Variants in PTPRT observed in about 807,000 individuals in gnomAD.
PTPRT encodes protein tyrosine phosphatase receptor type T.
In PTPRT, 56 loss-of-function variants were observed where a neutral mutation model predicts 176.8. That is an observed-to-expected ratio of 0.32 (90% CI 0.26 to 0.40). The LOEUF (loss-of-function observed/expected upper bound fraction) is 0.40. Among genes scored for constraint, PTPRT ranks in the 10% least tolerant of loss-of-function variants. PTPRT has a pLI of 1.00. For synonymous variants in PTPRT, 783 were observed against 739.0 expected (o/e 1.06, Z -0.96); for missense variants, 1,540 against 1,908.2 (o/e 0.81, Z 3.60).
chr20:42,559,792 C>T (rs187137412), intron 7 of PTPRT, among the ~76,000 whole-genome samples: 2 of 152,346 alleles, frequency 1.3e-5, no homozygotes, highest in Admixed American at 1.3e-4. Flanking sequence ...AAATATCAGT[C>T]ATTGCTTTGC....
chr20:42,847,715 C>T (rs374534096), intron 2 of PTPRT, among the ~76,000 whole-genome samples: 45 of 152,324 alleles, frequency 3.0e-4, no homozygotes, highest in African/African-American at 1.0e-3. Flanking sequence ...AGGCCACCCA[C>T]AGGTGACACT....
At chr20:42,776,655 T>C (rs1225515978) in intron 4 of PTPRT, among the ~76,000 whole-genome samples, 1 of 151,798 alleles carries the variant, frequency 6.6e-6, no homozygotes, top group African/African-American at 2.4e-5. Context: ...TATAGCAGCT[T>C]TAGCAAACTA....
intron 1 of PTPRT, among the ~76,000 whole-genome samples, chr20:43,031,484 T>C (rs995922743): frequency 1.3e-5 from 2 of 152,202 alleles, no homozygotes; most frequent in African/African-American, 4.8e-5. Flanking sequence ...AGCAATACAA[T>C]TGCATTGCTT....
At chr20:43,064,426 T>C (rs1384431228) in intron 1 of PTPRT, among the ~76,000 whole-genome samples, 1 of 152,200 alleles carries the variant, frequency 6.6e-6, no homozygotes, top group Non-Finnish European at 1.5e-5. Context: ...GAGGTTGTTA[T>C]AAGAGTTAGC....
intron 7 of PTPRT, among the ~76,000 whole-genome samples, chr20:42,656,035 T>C (rs759511973): frequency 6.6e-6 from 1 of 152,162 alleles, no homozygotes; most frequent in African/African-American, 2.4e-5. Flanking sequence ...AGTGGACATA[T>C]GATCCTTGAA....
intron 6 of PTPRT, among the ~76,000 whole-genome samples, chr20:42,694,040 C>CT (rs56156122): frequency 0.011 from 1,524 of 138,402 alleles, 27 homozygotes; most frequent in South Asian, 0.03. Context: ...ATTTTATTTT[C>CT]TTTTTTTTTT....
At chr20:42,718,048 A>G (rs1273950548) in intron 6 of PTPRT, among the ~76,000 whole-genome samples, 1 of 152,276 alleles carries the variant, frequency 6.6e-6, no homozygotes, top group Non-Finnish European at 1.5e-5. Context: ...ATTTGGCAGT[A>G]TCTGCTTAAG....
In PTPRT at chr20:42,507,668, T is replaced by C. The variant is rs74432409; in HGVS notation, c.1154-35106A>G. On this transcript the variant is annotated intron_variant, in intron 7 of 30. Coordinates refer to ENST00000373187, the MANE Select transcript of PTPRT (RefSeq NM_007050.6). ...CTTAACAAATATTAGTTCAATCCTG[T>C]CTGCATTTTGTTCCTTTCTCTCTAG... is the stretch of plus-strand genomic sequence containing the variant. Among the ~76,000 whole-genome samples, 517 of 152,258 alleles carry C rather than the reference T, an allele frequency of 3.4e-3. 3 individuals are homozygous for C. Among genetic ancestry groups the C allele is most frequent in the African/African-American group, 0.012 (494 of 41,560 alleles).
At chr20:42,466,649 T>C (rs1430061572) in intron 8 of PTPRT, among the ~76,000 whole-genome samples, 3 of 152,176 alleles carry the variant, frequency 2.0e-5, no homozygotes, top group Non-Finnish European at 4.4e-5. Context: ...AGAAGGAAGA[T>C]ATATGTATAA....
At chr20:42,557,558 T>A (rs2072881361) in intron 7 of PTPRT, among the ~76,000 whole-genome samples, 1 of 152,056 alleles carries the variant, frequency 6.6e-6, no homozygotes, top group Non-Finnish European at 1.5e-5. Flanking sequence ...CTACCAGAGG[T>A]CAAACTATTA....
intron 2 of PTPRT, among the ~76,000 whole-genome samples, chr20:42,843,397 CT>C (rs1879227306): frequency 2.1e-5 from 2 of 93,408 alleles, no homozygotes; most frequent in Non-Finnish European, 5.3e-5. Context: ...ACGGCCTCTG[CT>C]GGGCAGCTGC....
At chr20:42,435,991 G>T (rs571341153) in intron 9 of PTPRT, among the ~76,000 whole-genome samples, 1 of 152,266 alleles carries the variant, frequency 6.6e-6, no homozygotes, top group Non-Finnish European at 1.5e-5. Context: ...GATATGGCCT[G>T]GTAGAGCAGG....
At chr20:42,194,559 A>G (rs554191521) in intron 16 of PTPRT, among the ~76,000 whole-genome samples, 7 of 152,348 alleles carry the variant, frequency 4.6e-5, no homozygotes, top group Admixed American at 2.6e-4. Flanking sequence ...AGAAGATGAC[A>G]TGTGAACAAA....
At chr20:43,101,443 G>T (rs1044537989) in intron 1 of PTPRT, among the ~76,000 whole-genome samples, 3 of 152,068 alleles carry the variant, frequency 2.0e-5, no homozygotes, top group African/African-American at 7.3e-5. Context: ...TACCTATGTA[G>T]CCTTTCTTAG....
intron 7 of PTPRT, among the ~76,000 whole-genome samples, chr20:42,587,434 C>T (rs1345358208): frequency 6.6e-6 from 1 of 152,212 alleles, no homozygotes; most frequent in African/African-American, 2.4e-5. Context: ...ATATCTTGAC[C>T]CAAGGCAGAG....
chr20:42,910,735 G>A (rs141943062), intron 1 of PTPRT, among the ~76,000 whole-genome samples: 151 of 152,254 alleles, frequency 9.9e-4, no homozygotes, highest in African/African-American at 3.3e-3. Flanking sequence ...AGGTGATTAC[G>A]GAACACAAAA....
At chr20:42,478,147 G>T (rs1190286884) in intron 7 of PTPRT, among the ~76,000 whole-genome samples, 1 of 152,226 alleles carries the variant, frequency 6.6e-6, no homozygotes, top group African/African-American at 2.4e-5. Context: ...TGCACCTGAG[G>T]ACTGAGGTTG....
At chr20:42,457,955 T>C (rs2145880837) in intron 8 of PTPRT, among the ~76,000 whole-genome samples, 1 of 152,262 alleles carries the variant, frequency 6.6e-6, no homozygotes, top group South Asian at 2.1e-4. Flanking sequence ...CACTGACCTC[T>C]CTCCTTTCCC....
intron 1 of PTPRT, among the ~76,000 whole-genome samples, chr20:43,151,499 T>G (rs768172562): frequency 4.6e-5 from 7 of 152,158 alleles, no homozygotes; most frequent in Non-Finnish European, 8.8e-5. Flanking sequence ...TGACTCCAGA[T>G]ATGAATAAAC....
Sources: gnomAD v4.1 joint callset for allele counts (sites outside exome capture counted in the v4.1 genomes callset) on GRCh38, gnomAD v4.1.1 for gene constraint, MANE v1.5 for transcripts, NCBI Gene and HGNC (gene_info 2026-07-23, HGNC 2026-07-21) for gene names.